Variants in FBXW7 observed in about 807,000 individuals in gnomAD.
FBXW7 encodes the protein F-box and WD repeat domain containing 7, also known as F-box/WD repeat-containing protein 7.
A neutral mutation model predicts 86.3 loss-of-function variants in FBXW7; 11 were observed. That is an observed-to-expected ratio of 0.13 (90% CI 0.08 to 0.21). The LOEUF (loss-of-function observed/expected upper bound fraction) is 0.21. Among genes scored for constraint, FBXW7 ranks in the 10% least tolerant of loss-of-function variants. The pLI is 1.00. For missense variants in FBXW7, 488 were observed against 847.4 expected (o/e 0.58, Z 5.27); for synonymous variants, 313 against 297.9 (o/e 1.05, Z -0.52).
intron 7 of FBXW7, among the ~76,000 whole-genome samples, chr4:152,332,964 T>C (rs912488553): frequency 1.3e-5 from 2 of 152,074 alleles, no homozygotes; most frequent in African/African-American, 4.8e-5. Context: ...GACTACTTAT[T>C]AAACCTCTCT....
intron 2 of FBXW7, among the ~76,000 whole-genome samples, chr4:152,516,557 G>A (rs1157564249): frequency 6.6e-6 from 1 of 152,192 alleles, no homozygotes; most frequent in Admixed American, 6.5e-5. Context: ...ATACCATACA[G>A]ATGACCATTT....
At chr4:152,367,648 A>T (rs1236811643) in intron 4 of FBXW7, among the ~76,000 whole-genome samples, 1 of 152,186 alleles carries the variant, frequency 6.6e-6, no homozygotes, top group Non-Finnish European at 1.5e-5. Context: ...CTAACTTTGT[A>T]TGCAGATAAA....
Position 152,322,836 on chromosome 4 carries a change from G to A in FBXW7, c.*45C>T, listed in dbSNP as rs1386584228. 1 of 1,606,270 alleles carries A rather than the reference G, an allele frequency of 6.2e-7. No homozygotes were observed. The highest frequency in any genetic ancestry group is 8.5e-7 in the Non-Finnish European group (1 of 1,174,158). ...TTCTTTTTGCAGGGGGAAGGGCAGGGAGTATATCGTCTACACAATTGGACA... is the reference window on the plus strand; with the variant it reads ...TTCTTTTTGCAGGGGGAAGGGCAGGAAGTATATCGTCTACACAATTGGACA... On this transcript the variant is annotated 3_prime_UTR_variant, in exon 14 of 14. Coordinates refer to ENST00000281708, the MANE Select transcript of FBXW7 (RefSeq NM_001349798.2).
chr4:152,365,148 C>G (rs1453003438), intron 4 of FBXW7, among the ~76,000 whole-genome samples: 1 of 152,036 alleles, frequency 6.6e-6, no homozygotes, highest in African/African-American at 2.4e-5. Context: ...AATGACTGAG[C>G]TAGGTTCGGA....
chr4:152,358,895 T>C (rs1376765007), intron 4 of FBXW7, among the ~76,000 whole-genome samples: 1 of 152,190 alleles, frequency 6.6e-6, no homozygotes, highest in Non-Finnish European at 1.5e-5. Context: ...AATAGCTAGC[T>C]ATATTTAGAA....
chr4:152,525,072 T>C (rs1283711817), intron 2 of FBXW7, among the ~76,000 whole-genome samples: 4 of 152,196 alleles, frequency 2.6e-5, no homozygotes, highest in African/African-American at 9.7e-5. Context: ...CATTATAAAG[T>C]CTTTTTTGAA....
rs1731560463 is a variant in FBXW7 at position 152,349,197 on chromosome 4, T to C, written c.584+845A>G. Among the ~76,000 whole-genome samples, 3 of 151,938 alleles carry C rather than the reference T, an allele frequency of 2.0e-5. No individual in the cohort carries two copies. In the South Asian group the frequency reaches 6.2e-4, roughly 31 times the overall value. ...TAGAATAAAAATAACTAAATTGAAA[T>C]ATTTTGAGAGAAAGGAAGAAATGTC... On this transcript the variant is annotated intron_variant, in intron 5 of 13. Transcript: ENST00000281708.
intron 4 of FBXW7, among the ~76,000 whole-genome samples, chr4:152,394,110 A>G (rs924152694): frequency 6.6e-6 from 1 of 152,120 alleles, no homozygotes; most frequent in Non-Finnish European, 1.5e-5. Context: ...TATCCTAAAG[A>G]TAATTTTAAC....
chr4:152,354,650 T>C (rs567041946), intron 4 of FBXW7, among the ~76,000 whole-genome samples: 1 of 152,260 alleles, frequency 6.6e-6, no homozygotes, highest in Admixed American at 6.5e-5. Flanking sequence ...TAGGGGATAC[T>C]GTCTCAAAAC....
At chr4:152,467,125 C>T (rs528806145) in intron 2 of FBXW7, among the ~76,000 whole-genome samples, 128 of 152,136 alleles carry the variant, frequency 8.4e-4, no homozygotes, top group African/African-American at 2.8e-3. Context: ...TGGCTGTGTC[C>T]AAACCCAAAT....
chr4:152,462,504 T>A (rs1286704466), intron 2 of FBXW7, among the ~76,000 whole-genome samples: 1 of 152,228 alleles, frequency 6.6e-6, no homozygotes, highest in Non-Finnish European at 1.5e-5. Context: ...ATCTTACTTA[T>A]TGCTTCCATG....
At chr4:152,374,593 T>C (rs937437399) in intron 4 of FBXW7, among the ~76,000 whole-genome samples, 4 of 152,050 alleles carry the variant, frequency 2.6e-5, no homozygotes, top group African/African-American at 9.7e-5. Context: ...ACTAACTTTC[T>C]CCTGCATATC....
chr4:152,480,157 G>T (rs185329167), intron 2 of FBXW7, among the ~76,000 whole-genome samples: 1 of 152,064 alleles, frequency 6.6e-6, no homozygotes, highest in Non-Finnish European at 1.5e-5. Flanking sequence ...TCTATTTGGT[G>T]CAATTTTTCA....
At chr4:152,473,180 G>A (rs1047502897) in intron 2 of FBXW7, among the ~76,000 whole-genome samples, 3 of 152,122 alleles carry the variant, frequency 2.0e-5, no homozygotes, top group East Asian at 1.9e-4. Flanking sequence ...GGAGGTGAAG[G>A]CTACAGTGAG....
At chr4:152,396,496 C>A (rs566435608) in intron 4 of FBXW7, among the ~76,000 whole-genome samples, 1 of 152,120 alleles carries the variant, frequency 6.6e-6, no homozygotes, top group South Asian at 2.1e-4. Flanking sequence ...ACTAGCAAGC[C>A]AGTGTTTTCT....
chr4:152,473,420 G>A (rs1272897240), intron 2 of FBXW7, among the ~76,000 whole-genome samples: 2 of 152,082 alleles, frequency 1.3e-5, no homozygotes, highest in East Asian at 1.9e-4. Flanking sequence ...CAAAGTACTC[G>A]GCCCTGTTGC....
chr4:152,504,313 T>C (rs1205555761), intron 2 of FBXW7, among the ~76,000 whole-genome samples: 1 of 152,192 alleles, frequency 6.6e-6, no homozygotes, highest in Non-Finnish European at 1.5e-5. Context: ...AAAAAGATTT[T>C]ACACTTTGTT....
At chr4:152,438,598 C>T (rs1740597740) in intron 2 of FBXW7, among the ~76,000 whole-genome samples, 1 of 152,116 alleles carries the variant, frequency 6.6e-6, no homozygotes, top group African/African-American at 2.4e-5. Flanking sequence ...TCACTTGAAC[C>T]CCAGAGGCAA....
intron 2 of FBXW7, among the ~76,000 whole-genome samples, chr4:152,429,354 T>C (rs554483021): frequency 1.3e-4 from 20 of 148,392 alleles, no homozygotes; most frequent in Admixed American, 3.4e-4. Context: ...TTCTTTTACT[T>C]TGTTAGGGGG....
Sources: gnomAD v4.1 joint callset for allele counts (sites outside exome capture counted in the v4.1 genomes callset) on GRCh38, gnomAD v4.1.1 for gene constraint, MANE v1.5 for transcripts, NCBI Gene and HGNC (gene_info 2026-07-23, HGNC 2026-07-21) for gene names.